CDH8: variants seen among roughly 807,000 people sequenced by gnomAD.
CDH8 encodes the protein cadherin-8.
CDH8 carries 17 observed loss-of-function variants against 68.1 expected under a neutral mutation model. The observed-to-expected ratio is 0.25, with a 90% CI of 0.17 to 0.37. The LOEUF is 0.37. CDH8 is among the 10% of genes least tolerant of loss of function. CDH8 has a pLI of 1.00. For synonymous variants in CDH8, 372 were observed against 365.1 expected, an observed-to-expected ratio of 1.02 and a Z score of -0.21; for missense variants, 763 against 999.3, an observed-to-expected ratio of 0.76 and a Z score of 3.19.
At chr16:61,933,529 A>T (rs1964578556) in intron 2 of CDH8, among the ~76,000 whole-genome samples, 1 of 152,206 alleles carries the variant, frequency 6.6e-6, no homozygotes, top group South Asian at 2.1e-4. Context: ...AAGATTTTTT[A>T]AATTACATAT....
chr16:61,679,786 C>G (rs1963979155), intron 10 of CDH8, among the ~76,000 whole-genome samples: 1 of 151,872 alleles, frequency 6.6e-6, no homozygotes, highest in Non-Finnish European at 1.5e-5. Context: ...TAGTTTGTTC[C>G]ATTCCTGAAG....
intron 8 of CDH8, among the ~76,000 whole-genome samples, chr16:61,779,679 G>A (rs1960997289): frequency 6.6e-6 from 1 of 152,072 alleles, no homozygotes; most frequent in Admixed American, 6.6e-5. Context: ...ATGTTCTTCA[G>A]TTTCCTAATC....
rs1001931983 is a variant in CDH8, at chr16:61,848,814, G to C, written c.667+8305C>G. 3.9e-5 allele frequency among the ~76,000 whole-genome samples: 6 copies of C among 152,006 alleles called. No homozygotes were observed. The South Asian group carries it at 1.2e-3, about 31-fold the overall frequency. On this transcript the variant is annotated intron_variant, in intron 4 of 11. Coordinates refer to ENST00000577390, the MANE Select transcript of CDH8 (RefSeq NM_001796.5). ...ACAAATCAATGAGATGTAAAGTTAG[G>C]TACAAGTAAAATTAGTCACTTTAGT... is the stretch of plus-strand genomic sequence containing the variant.
chr16:61,657,893 T>C (rs1397984832), intron 10 of CDH8, among the ~76,000 whole-genome samples: 1 of 152,094 alleles, frequency 6.6e-6, no homozygotes, highest in East Asian at 1.9e-4. Context: ...AGAAAAGCAT[T>C]GGTGGGTCTA....
chr16:61,808,227 C>G (rs564106903), intron 7 of CDH8, among the ~76,000 whole-genome samples: 1 of 152,152 alleles, frequency 6.6e-6, no homozygotes, highest in East Asian at 1.9e-4. Flanking sequence ...CTACTGTAAT[C>G]AAAGAATGTG....
intron 2 of CDH8, among the ~76,000 whole-genome samples, chr16:61,981,095 G>C (rs73566700): frequency 0.04 from 6,095 of 152,208 alleles, 406 homozygotes; most frequent in African/African-American, 0.14. Flanking sequence ...AACTTAGAAA[G>C]TGTTAGCTAT....
rs149769272 is a variant in CDH8 at position 61,683,764 on chromosome 16, C to A, written c.1655-28043G>T. Among the ~76,000 whole-genome samples, 1,455 of 152,122 alleles carry A rather than the reference C, an allele frequency of 9.6e-3. 9 individuals carry two copies. The highest frequency in any genetic ancestry group is 0.016 in the Non-Finnish European group (1,054 of 67,968). On this transcript the variant is annotated intron_variant, in intron 10 of 11. Coordinates refer to ENST00000577390, the MANE Select transcript of CDH8 (RefSeq NM_001796.5). ...CTTATAGATGGAAATATTCTGAAATCCATTTGAGCTTCTTGTTGCTCAATG... is the reference window on the plus strand; with the variant it reads ...CTTATAGATGGAAATATTCTGAAATACATTTGAGCTTCTTGTTGCTCAATG...
chr16:61,888,544 T>C (rs1963718498), intron 3 of CDH8, among the ~76,000 whole-genome samples: 1 of 152,150 alleles, frequency 6.6e-6, no homozygotes, highest in Non-Finnish European at 1.5e-5. Context: ...TGTGATAAGA[T>C]CATGAGTAAA....
rs537493338 is a variant in CDH8, at chr16:61,650,390, T to A, written c.*3218A>T. 3.9e-5 allele frequency: 6 copies of A among 152,246 alleles called. No homozygotes were observed. In the South Asian group the frequency reaches 1.2e-3, roughly 32 times the overall value. 9.4% of individuals were successfully genotyped at this position (152,246 alleles called of 1,614,324 possible). ...AGGTAGGCAGAGGGAGATAACTTTGTCTCACTTGGCTCCAACTTAATCATT... is the reference window on the plus strand; with the variant it reads ...AGGTAGGCAGAGGGAGATAACTTTGACTCACTTGGCTCCAACTTAATCATT... On this transcript the variant is annotated 3_prime_UTR_variant, in exon 12 of 12. Coordinates refer to ENST00000577390, the MANE Select transcript of CDH8 (RefSeq NM_001796.5).
intron 2 of CDH8, among the ~76,000 whole-genome samples, chr16:62,014,768 C>T (rs1042374723): frequency 2.0e-5 from 3 of 151,908 alleles, no homozygotes; most frequent in African/African-American, 7.3e-5. Context: ...GCATTACCAG[C>T]AAGAGAGTTA....
intron 1 of CDH8, among the ~76,000 whole-genome samples, chr16:62,023,226 T>A (rs1336753050): frequency 6.6e-6 from 1 of 152,150 alleles, no homozygotes; most frequent in Non-Finnish European, 1.5e-5. Flanking sequence ...AAGCCACTTA[T>A]TACTTTAACA....
At chr16:61,741,733 C>A (rs1290919486) in intron 8 of CDH8, among the ~76,000 whole-genome samples, 3 of 152,112 alleles carry the variant, frequency 2.0e-5, no homozygotes, top group Non-Finnish European at 4.4e-5. Context: ...TTTAGTCCTA[C>A]AATCCTTTAA....
Position 61,766,960 on chromosome 16 carries a change from C to T in CDH8, c.1414+22386G>A, listed in dbSNP as rs368653585. ...AAGCATACTTCACTGTTGGGATCCA[C>T]GTACGTGCTTTGGATAAAACAATCT... On this transcript the variant is annotated intron_variant, in intron 8 of 11. Coordinates refer to ENST00000577390, the MANE Select transcript of CDH8 (RefSeq NM_001796.5). Among the ~76,000 whole-genome samples the T allele has an allele frequency of 3.3e-5, 5 of 151,994 alleles. No homozygotes were observed. In the East Asian group the frequency reaches 7.8e-4, roughly 24 times the overall value.
chr16:62,017,777 A>G (rs183906495), intron 2 of CDH8, among the ~76,000 whole-genome samples: 2 of 152,274 alleles, frequency 1.3e-5, no homozygotes, highest in African/African-American at 4.8e-5. Flanking sequence ...ACTCTCAGTC[A>G]TCTTACTCTC....
Position 61,927,099 on chromosome 16 carries a change from G to A in CDH8, c.253-25626C>T, listed in dbSNP as rs555945417. ...TGTAATTCAATATCCTTGTACAGTA[G>A]AAAGAATATGGGTTTTGAAGTTATT... On this transcript the variant is annotated intron_variant, in intron 2 of 11. Coordinates refer to ENST00000577390, the MANE Select transcript of CDH8 (RefSeq NM_001796.5). Among the ~76,000 whole-genome samples the A allele has an allele frequency of 2.0e-5, 3 of 152,226 alleles. No individual in the cohort carries two copies. In the South Asian group the frequency reaches 6.2e-4, roughly 32 times the overall value.
At chr16:61,952,799 TG>T (rs758399117) in intron 2 of CDH8, among the ~76,000 whole-genome samples, 39 of 152,244 alleles carry the variant, frequency 2.6e-4, no homozygotes, top group Admixed American at 2.0e-3. Context: ...TTTCACAAAA[TG>T]CAAATCAAAT....
intron 8 of CDH8, among the ~76,000 whole-genome samples, chr16:61,751,350 T>C (rs917876058): frequency 2.1e-4 from 26 of 124,612 alleles, no homozygotes; most frequent in Admixed American, 1.1e-4. Flanking sequence ...TGAGGTTAAG[T>C]AGTTGGCACA....
At chr16:61,940,482 C>T in intron 2 of CDH8, 1 of 151,306 alleles carries the variant, frequency 6.6e-6, no homozygotes, top group Non-Finnish European at 1.5e-5. Flanking sequence ...TCACTGCAAC[C>T]TCCACCTCCC....
At chr16:61,896,566 A>T (rs1452613304) in intron 3 of CDH8, among the ~76,000 whole-genome samples, 1 of 152,208 alleles carries the variant, frequency 6.6e-6, no homozygotes, top group Non-Finnish European at 1.5e-5. Context: ...TAAGAGGAAG[A>T]AAAAAGCGAT....
Sources: allele counts gnomAD v4.1 joint callset (sites outside exome capture counted in the v4.1 genomes callset), GRCh38; gene constraint gnomAD v4.1.1; transcripts MANE v1.5; gene names NCBI Gene and HGNC (gene_info 2026-07-23, HGNC 2026-07-21).